The following APPL1 variants were observed in gnomAD, a reference collection of about 807,000 sequenced individuals.
The protein encoded by APPL1 is DCC-interacting protein 13-alpha.
A neutral mutation model predicts 106.8 loss-of-function variants in APPL1; 42 were observed. That is an observed-to-expected ratio of 0.39 (90% CI 0.31 to 0.51). The LOEUF is 0.51. Among genes scored for constraint, APPL1 ranks in the 20% least tolerant of loss-of-function variants. The pLI is 0.75. For missense variants in APPL1, 769 were observed against 858.2 expected, an observed-to-expected ratio of 0.90 and a Z score of 1.30; for synonymous variants, 263 against 281.8, an observed-to-expected ratio of 0.93 and a Z score of 0.67.
intron 1 of APPL1, among the ~76,000 whole-genome samples, chr3:57,232,123 A>T (rs151200938): frequency 7.9e-5 from 12 of 152,334 alleles, no homozygotes; most frequent in African/African-American, 2.6e-4. Context: ...ATCAAAATAA[A>T]CCTTGTTAAT....
Position 57,240,533 on chromosome 3 carries a change from T to C in APPL1, c.354T>C (p.Phe118=), listed in dbSNP as rs752336035. The change falls in exon 5 of 22, where the codon TTT becomes TTC. Residue 118 remains phenylalanine, a synonymous_variant. Transcript: ENST00000288266. ...ADAMMFPITQ[F]KERDLKEILT... ...CCATGATGTTCCCCATTACCCAGTTTAAAGAAAGAGATCTGAAAGGTATTG... is the reference window on the plus strand; with the variant it reads ...CCATGATGTTCCCCATTACCCAGTTCAAAGAAAGAGATCTGAAAGGTATTG... 1 of 1,613,712 alleles carries C rather than the reference T, an allele frequency of 6.2e-7. No individual in the cohort carries two copies. Among genetic ancestry groups the C allele is most frequent in the South Asian group, 1.1e-5 (1 of 91,066 alleles).
chr3:57,256,373 T>C (rs1314644045), intron 13 of APPL1, among the ~76,000 whole-genome samples: 3 of 152,234 alleles, frequency 2.0e-5, no homozygotes, highest in African/African-American at 7.2e-5. Context: ...AAGTCTAAAG[T>C]ATTTCTTATG....
In APPL1 at chr3:57,258,960, A is replaced by C. The variant is rs899975145; in HGVS notation, c.1431-68A>C. The C allele has an allele frequency of 6.7e-6, 8 of 1,192,112 alleles. No individual in the cohort carries two copies. In the African/African-American group the frequency reaches 1.1e-4, roughly 16 times the overall value. 73.8% of individuals were successfully genotyped at this position (1,192,112 alleles called of 1,614,324 possible). A position where few individuals can be genotyped will look rare whatever the true frequency, so the allele number is the denominator to read the frequency against. The stretch of plus-strand genomic sequence containing the variant: ...TTTAAATGTTAACTGTGGTTTTAAT[A>C]ATTAGATTTCTTCTATGTGGCTCAT... On this transcript the variant is annotated intron_variant, in intron 15 of 21. Transcript: ENST00000288266.
intron 3 of APPL1, among the ~76,000 whole-genome samples, chr3:57,237,796 A>C (rs2060724223): frequency 6.6e-6 from 1 of 152,184 alleles, no homozygotes; most frequent in Non-Finnish European, 1.5e-5. Context: ...TTATTGGAGG[A>C]ACTGGAGCTA....
At chr3:57,241,977 C>A in intron 5 of APPL1, 124 bp from the exon 6 acceptor site, 1 of 639,814 alleles carries the variant, frequency 1.6e-6, no homozygotes, top group East Asian at 3.2e-5. Context: ...GCTTTTTCAC[C>A]CTGAATGTTG....
At chr3:57,247,252 C>T in intron 8 of APPL1, 143 bp from the exon 9 acceptor site, 3 of 549,612 alleles carry the variant, frequency 5.5e-6, no homozygotes, top group Middle Eastern at 2.9e-4. Flanking sequence ...AAGTCACAAA[C>T]TACAATGTAT....
At chr3:57,250,164 G>A (rs776572166) in intron 11 of APPL1, among the ~76,000 whole-genome samples, 35 of 151,602 alleles carry the variant, frequency 2.3e-4, no homozygotes, top group Admixed American at 1.3e-3. Context: ...TTTTTGAGGC[G>A]GGGTCTTACT....
intron 19 of APPL1, among the ~76,000 whole-genome samples, chr3:57,264,007 A>G (rs182631177): frequency 1.3e-5 from 2 of 152,258 alleles, no homozygotes; most frequent in Admixed American, 6.5e-5. Context: ...ATTCCCACCA[A>G]CAGTGTACAA....
At chr3:57,237,443 C>T in intron 2 of APPL1, 49 bp from the exon 3 acceptor site, 1 of 1,378,556 alleles carries the variant, frequency 7.3e-7, no homozygotes, top group Non-Finnish European at 1.0e-6. Flanking sequence ...TTAGAAAAAA[C>T]TAAAACTTTT....
intron 7 of APPL1, among the ~76,000 whole-genome samples, chr3:57,244,825 T>C (rs938925211): frequency 6.6e-6 from 1 of 151,978 alleles, no homozygotes; most frequent in Admixed American, 6.6e-5. Context: ...GTGAAAGGAA[T>C]TGGAATAGTT....
Position 57,267,584 on chromosome 3 carries a change from G to A in APPL1, c.1843-158G>A, listed in dbSNP as rs548360629. The stretch of plus-strand genomic sequence containing the variant: ...GTAGACTTCAAGGAAAACATACAAA[G>A]CCTTGGTTTGGGGGCTTGAGCATTC... On this transcript the variant is annotated intron_variant, in intron 19 of 21. Transcript: ENST00000288266. Among the ~76,000 whole-genome samples, 104 of 152,310 alleles carry A rather than the reference G, an allele frequency of 6.8e-4. 1 individual carries two copies. The highest frequency in any genetic ancestry group is 1.1e-3 in the Non-Finnish European group (78 of 68,024).
At chr3:57,241,896 G>GTAGA (rs1205817234) in intron 5 of APPL1, among the ~76,000 whole-genome samples, 1 of 152,168 alleles carries the variant, frequency 6.6e-6, no homozygotes, top group East Asian at 1.9e-4. Context: ...TTTGTAGCAA[G>GTAGA]TAGATTTTCT....
chr3:57,231,292 T>A (rs1203710280), intron 1 of APPL1, among the ~76,000 whole-genome samples: 1 of 144,442 alleles, frequency 6.9e-6, no homozygotes, highest in Non-Finnish European at 1.5e-5. Context: ...TGAGCCGAAA[T>A]TGTACCGTTG....
intron 8 of APPL1, 71 bp from the exon 9 acceptor site, chr3:57,247,324 A>G (rs2060779257): frequency 3.6e-6 from 3 of 836,274 alleles, no homozygotes; most frequent in Non-Finnish European, 5.9e-6. Flanking sequence ...GAGATTGTTT[A>G]TATGATTTAC....
chr3:57,231,836 A>T (rs979383970), intron 1 of APPL1, among the ~76,000 whole-genome samples: 1 of 150,140 alleles, frequency 6.7e-6, no homozygotes, highest in Non-Finnish European at 1.5e-5. Context: ...AGAGCCTGGG[A>T]GTGATGGAAG....
intron 12 of APPL1, 75 bp from the exon 13 acceptor site, chr3:57,253,607 A>C: frequency 8.9e-7 from 1 of 1,121,418 alleles, no homozygotes; most frequent in Non-Finnish European, 1.2e-6. Context: ...GTTGCAGTTG[A>C]GTATTGAACA....
At chr3:57,265,072 A>G (rs900446235) in intron 19 of APPL1, among the ~76,000 whole-genome samples, 1 of 151,988 alleles carries the variant, frequency 6.6e-6, no homozygotes, top group African/African-American at 2.4e-5. Flanking sequence ...GATTCTTCCA[A>G]TCCATGAACG....
chr3:57,243,378 A>G (rs981562482), intron 7 of APPL1, among the ~76,000 whole-genome samples: 1 of 152,218 alleles, frequency 6.6e-6, no homozygotes, highest in Non-Finnish European at 1.5e-5. Context: ...TTGAGGAGAA[A>G]TGCATTCAAG....
intron 1 of APPL1, 52 bp downstream of exon 1, chr3:57,227,989 C>T: frequency 1.5e-6 from 2 of 1,370,772 alleles, no homozygotes; most frequent in Non-Finnish European, 1.9e-6. Flanking sequence ...TGGCCGACCC[C>T]AGGTCTGGCG....
Sources: gnomAD v4.1 joint callset for allele counts (sites outside exome capture counted in the v4.1 genomes callset) on GRCh38, gnomAD v4.1.1 for gene constraint, MANE v1.5 for transcripts, NCBI Gene and HGNC (gene_info 2026-07-23, HGNC 2026-07-21) for gene names.